SMARCD3: variants seen among roughly 807,000 people sequenced by gnomAD.
The protein encoded by SMARCD3 is SWI/SNF-related matrix-associated actin-dependent regulator of chromatin subfamily D member 3.
SMARCD3 carries 14 observed loss-of-function variants against 58.0 expected under a neutral mutation model. That is an observed-to-expected ratio of 0.24 (90% CI 0.16 to 0.38). The LOEUF is 0.38. Ranked by LOEUF, SMARCD3 falls within the 10% of genes least tolerant of loss-of-function variation. The probability of loss-of-function intolerance (pLI) is 1.00; values close to 1 mark genes in which losing one functional copy is unlikely to be tolerated. For missense variants in SMARCD3, 408 were observed against 636.9 expected (o/e 0.64, Z 3.87); for synonymous variants, 253 against 253.8 (o/e 1.00, Z 0.03).
Position 151,240,454 on chromosome 7 carries a change from A to C in SMARCD3, c.1008T>G (p.Pro336=). The change falls in exon 9 of 13, where the codon CCT becomes CCG. Residue 336 remains proline, a synonymous_variant. Transcript: ENST00000262188. ...PQRLTALLLP[P]DPIVINHVIS... Reference sequence around the variant, plus strand: ...TGACATGGTTGATGACAATTGGGTCAGGGGGCAATAGCAGGGCTGTGAGGC... The same window carrying C: ...TGACATGGTTGATGACAATTGGGTCCGGGGGCAATAGCAGGGCTGTGAGGC... 6.2e-7 allele frequency: 1 copy of C among 1,613,894 alleles called. No homozygotes were observed. The highest frequency in any genetic ancestry group is 8.5e-7 in the Non-Finnish European group (1 of 1,179,920).
At chr7:151,263,163 G>T (rs1009655221) in intron 2 of SMARCD3, among the ~76,000 whole-genome samples, 19 of 152,144 alleles carry the variant, frequency 1.2e-4, no homozygotes, top group African/African-American at 4.3e-4. Context: ...TTTCATCCAG[G>T]TAGCCTGTGT....
intron 2 of SMARCD3, among the ~76,000 whole-genome samples, chr7:151,271,943 C>T (rs1019241296): frequency 1.3e-5 from 2 of 152,126 alleles, no homozygotes; most frequent in African/African-American, 2.4e-5. Flanking sequence ...TGAGCAACAG[C>T]GTGAGACTCT....
intron 2 of SMARCD3, among the ~76,000 whole-genome samples, chr7:151,261,066 G>A (rs914616744): frequency 1.3e-4 from 20 of 152,196 alleles, no homozygotes; most frequent in African/African-American, 3.9e-4. Flanking sequence ...GGCGGCAGAT[G>A]TTGGGGCGCG....
At chr7:151,262,671 G>A (rs527525174) in intron 2 of SMARCD3, among the ~76,000 whole-genome samples, 94 of 152,294 alleles carry the variant, frequency 6.2e-4, no homozygotes, top group African/African-American at 2.1e-3. Flanking sequence ...TTAGGGCCCC[G>A]CGGGAGCAGG....
At chr7:151,263,490 C>A (rs1803982800) in intron 2 of SMARCD3, among the ~76,000 whole-genome samples, 2 of 152,164 alleles carry the variant, frequency 1.3e-5, no homozygotes, top group South Asian at 2.1e-4. Flanking sequence ...TCTTATCCCT[C>A]CAAACCTCAA....
chr7:151,248,368 A>T lies in SMARCD3; in HGVS notation c.78+117T>A. The T allele has an allele frequency of 1.1e-6, 1 of 875,176 alleles. No individual in the cohort carries two copies. The highest frequency in any genetic ancestry group is 1.8e-6 in the Non-Finnish European group (1 of 550,714). 54.2% of individuals were successfully genotyped at this position (875,176 alleles called of 1,614,324 possible). ...TCCCGCGGCCGGGCCGTGGGCCATG[A>T]CGCCCCCCACTAGAGGGGTGGGAGA... On this transcript the variant is annotated intron_variant, in intron 1 of 12. Coordinates refer to ENST00000262188, the MANE Select transcript of SMARCD3 (RefSeq NM_001003801.2). The surrounding 1 kb of genome is among the most constrained non-coding windows in gnomAD (Gnocchi z 6.1).
rs951798288 is a variant in SMARCD3 at position 151,242,937 on chromosome 7, A to G, written c.334-94T>C. 4 of 1,471,890 alleles carry G rather than the reference A, an allele frequency of 2.7e-6. No homozygotes were observed. In the South Asian group the frequency reaches 5.1e-5, roughly 19 times the overall value. 91.2% of individuals were successfully genotyped at this position (1,471,890 alleles called of 1,614,324 possible). ...GTTGTGCAATCCTAGGGTACAAAAGATGTCAGGGGAGCCATCCTACTTTTG... is the reference window on the plus strand; with the variant it reads ...GTTGTGCAATCCTAGGGTACAAAAGGTGTCAGGGGAGCCATCCTACTTTTG... On this transcript the variant is annotated intron_variant, in intron 3 of 12. Transcript: ENST00000262188. This position sits in a 1 kb window ranked among gnomAD's most constrained non-coding sequence, Gnocchi z 4.7.
rs983104157 is a variant in SMARCD3 at position 151,245,778 on chromosome 7, G to C, written c.79-107C>G. ...GTCTCCCCTCCCCCACCAGACCCTC[G>C]GCTGGTGACCCTGAGCGTTGAGCGA... On this transcript the variant is annotated intron_variant, in intron 1 of 12. Coordinates refer to ENST00000262188, the MANE Select transcript of SMARCD3 (RefSeq NM_001003801.2). The surrounding 1 kb of genome is among the most constrained non-coding windows in gnomAD (Gnocchi z 6.2). The C allele has an allele frequency of 1.6e-5, 6 of 381,678 alleles. No homozygotes were observed. Among genetic ancestry groups the C allele is most frequent in the Non-Finnish European group, 2.8e-5 (6 of 215,620 alleles). The allele number at this position is 381,678 out of a possible 1,614,324, so 23.6% of individuals were successfully genotyped here. A position where few individuals can be genotyped will look rare whatever the true frequency, so the allele number is the denominator to read the frequency against.
upstream of SMARCD3, among the ~76,000 whole-genome samples, chr7:151,249,927 C>T (rs114043169): frequency 0.05 from 1,725 of 34,222 alleles, 30 homozygotes; most frequent in African/African-American, 0.16. This position sits in a 1 kb window ranked among gnomAD's most constrained non-coding sequence, Gnocchi z 4.8. Context: ...CTTTTTTCTC[C>T]TTCTTGGGGA....
At chr7:151,255,011 G>A (rs1185685773) in intron 2 of SMARCD3, among the ~76,000 whole-genome samples, 1 of 152,178 alleles carries the variant, frequency 6.6e-6, no homozygotes, top group Non-Finnish European at 1.5e-5. Context: ...GCGCGGACTC[G>A]TCGCCCGGCT....
upstream of SMARCD3, among the ~76,000 whole-genome samples, chr7:151,251,719 C>CCGCCCGG (rs371135686): frequency 1.1e-4 from 16 of 152,108 alleles, no homozygotes; most frequent in South Asian, 4.1e-4. Context: ...GCGAGGGCGG[C>CCGCCCGG]CGCCCGGCGC....
rs367908872 is a variant in SMARCD3, at chr7:151,268,771, CT to C, written c.39+6342del. ...AATTAAACCACACAAAATTCTCTCT[CT>C]TTTTTTTTTAATGTAGAGATGAGGT... On this transcript the variant is annotated intron_variant, in intron 2 of 13. Transcript: ENST00000356800. Among the ~76,000 whole-genome samples, 524 of 148,134 alleles carry C rather than the reference CT, an allele frequency of 3.5e-3. 9 individuals carry two copies. The highest frequency in any genetic ancestry group is 4.2e-3 in the Non-Finnish European group (283 of 66,708).
chr7:151,247,614 C>T (rs1389662043), intron 1 of SMARCD3, among the ~76,000 whole-genome samples: 2 of 152,122 alleles, frequency 1.3e-5, no homozygotes, highest in African/African-American at 2.4e-5. Flanking sequence ...CATAGTAAAC[C>T]CGACAGCTTC....
intron 2 of SMARCD3, among the ~76,000 whole-genome samples, chr7:151,258,372 C>G: frequency 6.6e-6 from 1 of 152,028 alleles, no homozygotes; most frequent in East Asian, 1.9e-4. Flanking sequence ...CGAGAGCAGC[C>G]TGGCCAACAT....
chr7:151,268,398 G>C (rs1795062699), intron 2 of SMARCD3, among the ~76,000 whole-genome samples: 1 of 152,150 alleles, frequency 6.6e-6, no homozygotes, highest in Admixed American at 6.6e-5. Context: ...CCTATTTTAG[G>C]GGTTACAAAC....
In SMARCD3 at chr7:151,243,531, T is replaced by C; in HGVS notation, c.333+128A>G. The C allele has an allele frequency of 1.5e-6, 1 of 686,560 alleles. No individual in the cohort carries two copies. Among genetic ancestry groups the C allele is most frequent in the South Asian group, 1.6e-5 (1 of 63,280 alleles). The allele number at this position is 686,560 out of a possible 1,614,324, so 42.5% of individuals were successfully genotyped here. A position where few individuals can be genotyped will look rare whatever the true frequency, so the allele number is the denominator to read the frequency against. On this transcript the variant is annotated intron_variant, in intron 3 of 12. Coordinates refer to ENST00000262188, the MANE Select transcript of SMARCD3 (RefSeq NM_001003801.2). This position sits in a 1 kb window ranked among gnomAD's most constrained non-coding sequence, Gnocchi z 4.4. ...CCTCTGGCCTGCGGAGCCTCACTTA[T>C]TAATGAGCTTTTTTAAACAAAAAGT...
chr7:151,242,294 A>C lies in SMARCD3; in HGVS notation c.580-62T>G. On this transcript the variant is annotated intron_variant, in intron 5 of 12. Coordinates refer to ENST00000262188, the MANE Select transcript of SMARCD3 (RefSeq NM_001003801.2). The surrounding 1 kb of genome is among the most constrained non-coding windows in gnomAD (Gnocchi z 4.7). ...GGGACGAGGTGGGAGGAGCAGAAGG[A>C]GGCCAAGTTGGCAGCCGACAGGGCA... The C allele has an allele frequency of 6.8e-7, 1 of 1,478,242 alleles. No individual in the cohort carries two copies. Among genetic ancestry groups the C allele is most frequent in the Non-Finnish European group, 9.5e-7 (1 of 1,056,606 alleles). The allele number at this position is 1,478,242 out of a possible 1,614,324, so 91.6% of individuals were successfully genotyped here.
chr7:151,240,649 G>C, intron 8 of SMARCD3, 127 bp from the exon 9 acceptor site: 1 of 712,280 alleles, frequency 1.4e-6, no homozygotes, highest in Non-Finnish European at 2.4e-6. Context: ...AGTGCGCATG[G>C]GGATGGGATT....
intron 10 of SMARCD3, 50 bp downstream of exon 10, chr7:151,240,062 C>T: frequency 7.5e-6 from 12 of 1,602,224 alleles, no homozygotes; most frequent in Non-Finnish European, 1.0e-5. Flanking sequence ...AAAGTCTCCT[C>T]TATCATCTCT....
Sources: allele counts gnomAD v4.1 joint callset (sites outside exome capture counted in the v4.1 genomes callset), GRCh38; gene constraint gnomAD v4.1.1; non-coding constraint Gnocchi (gnomAD v3.1); transcripts MANE v1.5; gene names NCBI Gene and HGNC (gene_info 2026-07-23, HGNC 2026-07-21).